The following SMIM23 variants were observed in gnomAD, a reference collection of about 807,000 sequenced individuals.
SMIM23 encodes small integral membrane protein 23.
A neutral mutation model predicts 12.8 loss-of-function variants in SMIM23; 10 were observed. That is an observed-to-expected ratio of 0.78 (90% CI 0.48 to 1.32). The LOEUF is 1.32. Among genes scored for constraint, SMIM23 ranks in the 40% most tolerant of loss-of-function variants. The pLI, the probability that SMIM23 is intolerant of heterozygous loss-of-function variation, is 0.00. For missense variants in SMIM23, 184 were observed against 198.2 expected (o/e 0.93, Z 0.43); for synonymous variants, 78 against 80.1 (o/e 0.97, Z 0.14).
At chr5:171,789,476 T>C (rs988940460) in intron 1 of SMIM23, among the ~76,000 whole-genome samples, 2 of 152,200 alleles carry the variant, frequency 1.3e-5, no homozygotes, top group Non-Finnish European at 2.9e-5. Flanking sequence ...TATATGAGTG[T>C]TCATAGCACT....
the SMIM23 span, among the ~76,000 whole-genome samples, chr5:171,773,455 A>G: frequency 1.5e-5 from 2 of 134,916 alleles, no homozygotes; most frequent in Non-Finnish European, 3.2e-5. Context: ...GGTTAATCCA[A>G]TTAACAGATA....
upstream of SMIM23, among the ~76,000 whole-genome samples, chr5:171,783,440 C>G (rs1455510357): frequency 2.6e-5 from 4 of 152,180 alleles, no homozygotes; most frequent in African/African-American, 9.7e-5. Flanking sequence ...GGTATTGATG[C>G]AGGGACAGAT....
intron 1 of SMIM23, among the ~76,000 whole-genome samples, chr5:171,789,293 C>A (rs1755879268): frequency 6.6e-6 from 1 of 152,208 alleles, no homozygotes. Context: ...ATTTAAAACA[C>A]AATTAATGCA....
At chr5:171,776,151 G>A in the SMIM23 span, among the ~76,000 whole-genome samples, 14 of 152,140 alleles carry the variant, frequency 9.2e-5, no homozygotes, top group African/African-American at 2.7e-4. Flanking sequence ...GATTACAGGC[G>A]TGAGCCACCG....
At chr5:171,785,438 A>G (rs1382422050), upstream of SMIM23, among the ~76,000 whole-genome samples, 1 of 151,042 alleles carries the variant, frequency 6.6e-6, no homozygotes, top group African/African-American at 2.4e-5. Context: ...AAATAGAGAC[A>G]TGGTCTCACC....
upstream of SMIM23, among the ~76,000 whole-genome samples, chr5:171,785,404 T>G (rs970898776): frequency 2.0e-5 from 3 of 151,794 alleles, no homozygotes; most frequent in African/African-American, 4.8e-5. Flanking sequence ...TTTTATTGTT[T>G]TTTTTTTTTT....
chr5:171,790,687 A>G, intron 3 of SMIM23, 108 bp from the exon 4 acceptor site: 1 of 1,381,234 alleles, frequency 7.2e-7, no homozygotes, highest in Non-Finnish European at 9.9e-7. Flanking sequence ...TACGAGCACA[A>G]TGAGTAGCAT....
At chr5:171,780,852 G>A (rs1755714851), upstream of SMIM23, among the ~76,000 whole-genome samples, 1 of 152,226 alleles carries the variant, frequency 6.6e-6, no homozygotes, top group East Asian at 1.9e-4. Flanking sequence ...GGAAGGAGCA[G>A]TATCCAACGG....
upstream of SMIM23, among the ~76,000 whole-genome samples, chr5:171,785,244 A>T (rs182362559): frequency 5.6e-4 from 86 of 152,270 alleles, no homozygotes; most frequent in African/African-American, 2.0e-3. Context: ...GTCCACATCC[A>T]GGCTGTGATC....
At chr5:171,776,942 T>C in the SMIM23 span, among the ~76,000 whole-genome samples, 1 of 152,150 alleles carries the variant, frequency 6.6e-6, no homozygotes, top group African/African-American at 2.4e-5. Context: ...CTCAGAGCCC[T>C]GCCGTTGATT....
upstream of SMIM23, chr5:171,782,294 C>T (rs766962402): frequency 2.6e-5 from 4 of 152,228 alleles, no homozygotes; most frequent in Admixed American, 6.5e-5. Flanking sequence ...CATCTACTTA[C>T]GGACAGTGAA....
chr5:171,772,993 T>C, the SMIM23 span, among the ~76,000 whole-genome samples: 3 of 152,110 alleles, frequency 2.0e-5, no homozygotes, highest in East Asian at 1.9e-4. Flanking sequence ...CAGCGAGTTG[T>C]AGGGAATTCT....
At chr5:171,781,162 G>A (rs1755719357), upstream of SMIM23, among the ~76,000 whole-genome samples, 1 of 152,200 alleles carries the variant, frequency 6.6e-6, no homozygotes, top group African/African-American at 2.4e-5. Context: ...GGGTGCAGAA[G>A]TCCTCGGTAA....
chr5:171,787,959 T>C (rs1337291681), intron 1 of SMIM23, among the ~76,000 whole-genome samples: 6 of 152,024 alleles, frequency 3.9e-5, no homozygotes, highest in Admixed American at 3.3e-4. Context: ...TTAATAGTAA[T>C]GTAGTTGCTA....
rs1040029529 is a variant in SMIM23 at position 171,789,571 on chromosome 5, T to A, written c.106-659T>A. On this transcript the variant is annotated intron_variant, in intron 1 of 3. Transcript: ENST00000523047. ...CTGATTGTGCAATATTCTATGTTCA[T>A]ATAAAATAAATACTCATCAATAAAA... is the stretch of plus-strand genomic sequence containing the variant. Among the ~76,000 whole-genome samples, 3 of 152,336 alleles carry A rather than the reference T, an allele frequency of 2.0e-5. No individual in the cohort carries two copies. The East Asian group carries it at 5.8e-4, about 29-fold the overall frequency.
chr5:171,790,176 C>G lies in SMIM23; in HGVS notation c.106-54C>G, dbSNP rs1408622279. On this transcript the variant is annotated intron_variant, in intron 1 of 3. Coordinates refer to ENST00000523047, the MANE Select transcript of SMIM23 (RefSeq NM_001289970.2). ...CCCTTTGTGATGGAAGCAGGGGGACCTGGAGAGAATTCATCCTCATGTTCT... is the reference window on the plus strand; with the variant it reads ...CCCTTTGTGATGGAAGCAGGGGGACGTGGAGAGAATTCATCCTCATGTTCT... 4 of 1,507,822 alleles carry G rather than the reference C, an allele frequency of 2.7e-6. No individual in the cohort carries two copies. The African/African-American group carries it at 5.5e-5, about 21-fold the overall frequency. The allele number at this position is 1,507,822 out of a possible 1,614,324, so 93.4% of individuals were successfully genotyped here.
upstream of SMIM23, among the ~76,000 whole-genome samples, chr5:171,779,799 CAGGGAGAG>C (rs1302789475): frequency 3.4e-5 from 5 of 149,146 alleles, no homozygotes; most frequent in Non-Finnish European, 7.4e-5. Context: ...GCGAGGAAGG[CAGGGAGAG>C]AGGGAGAGAG....
upstream of SMIM23, among the ~76,000 whole-genome samples, chr5:171,779,117 G>T (rs537131341): frequency 6.6e-6 from 1 of 152,194 alleles, no homozygotes; most frequent in African/African-American, 2.4e-5. Flanking sequence ...AATTGATGGC[G>T]TACGTTGGGC....
upstream of SMIM23, among the ~76,000 whole-genome samples, chr5:171,778,754 G>A (rs1271067462): frequency 6.6e-6 from 1 of 152,146 alleles, no homozygotes; most frequent in Non-Finnish European, 1.5e-5. Context: ...CATTATAGAA[G>A]CCATAGTAAC....
Sources: gnomAD v4.1 joint callset for allele counts (sites outside exome capture counted in the v4.1 genomes callset) on GRCh38, gnomAD v4.1.1 for gene constraint, MANE v1.5 for transcripts, NCBI Gene and HGNC (gene_info 2026-07-23, HGNC 2026-07-21) for gene names.